Variants in PPM1E observed in about 807,000 individuals in gnomAD.
PPM1E encodes protein phosphatase 1E.
PPM1E carries 20 observed loss-of-function variants against 65.9 expected under a neutral mutation model. That is an observed-to-expected ratio of 0.30 (90% CI 0.21 to 0.44). PPM1E has a LOEUF of 0.44. Ranked by LOEUF, PPM1E falls within the 20% of genes least tolerant of loss-of-function variation. PPM1E has a pLI of 1.00. For synonymous variants in PPM1E, 352 were observed against 374.9 expected (o/e 0.94, Z 0.70); for missense variants, 713 against 953.1 (o/e 0.75, Z 3.32).
chr17:58,894,232 G>A (rs150635748), intron 1 of PPM1E, among the ~76,000 whole-genome samples: 9 of 152,086 alleles, frequency 5.9e-5, no homozygotes, highest in East Asian at 5.8e-4. Context: ...AGCAATTCTC[G>A]TGCCGCAGCC....
At chr17:58,861,150 G>A (rs1426070841) in intron 1 of PPM1E, among the ~76,000 whole-genome samples, 1 of 152,148 alleles carries the variant, frequency 6.6e-6, no homozygotes, top group East Asian at 1.9e-4. Flanking sequence ...TACCCACCAT[G>A]GTGGGTCAGA....
At chr17:58,758,944 C>A (rs916870803) in intron 1 of PPM1E, among the ~76,000 whole-genome samples, 1 of 152,018 alleles carries the variant, frequency 6.6e-6, no homozygotes, top group Admixed American at 6.6e-5. Flanking sequence ...GTGGTGCATG[C>A]CTGTAATCCC....
At chr17:58,891,015 G>T (rs545657440) in intron 1 of PPM1E, among the ~76,000 whole-genome samples, 3 of 151,706 alleles carry the variant, frequency 2.0e-5, no homozygotes, top group African/African-American at 7.3e-5. Flanking sequence ...TTGTTACCCA[G>T]GCTGCAGTGC....
At chr17:58,865,688 G>A (rs2050995035) in intron 1 of PPM1E, among the ~76,000 whole-genome samples, 1 of 152,174 alleles carries the variant, frequency 6.6e-6, no homozygotes. Flanking sequence ...GTGACAGAAG[G>A]AGACCCTGTC....
chr17:58,921,828 G>A (rs1567875616), intron 1 of PPM1E, among the ~76,000 whole-genome samples: 1 of 151,974 alleles, frequency 6.6e-6, no homozygotes. Flanking sequence ...ATTGTCTGAG[G>A]TCAGGAGTTG....
intron 2 of PPM1E, among the ~76,000 whole-genome samples, chr17:58,963,010 C>A (rs2030084802): frequency 1.3e-5 from 2 of 151,874 alleles, no homozygotes; most frequent in African/African-American, 4.8e-5. Context: ...GATTGCTTGA[C>A]CCCAGGAATT....
intron 1 of PPM1E, among the ~76,000 whole-genome samples, chr17:58,930,282 C>G (rs1008907780): frequency 6.6e-6 from 1 of 151,388 alleles, no homozygotes; most frequent in Non-Finnish European, 1.5e-5. Context: ...CACACACACA[C>G]ACAGACACAC....
chr17:58,944,876 A>G (rs985363457), intron 1 of PPM1E, among the ~76,000 whole-genome samples: 11 of 152,172 alleles, frequency 7.2e-5, no homozygotes, highest in Non-Finnish European at 1.3e-4. Context: ...GGCTGGCCAT[A>G]TGGTAACTTT....
Position 58,755,893 on chromosome 17 carries a change from G to A in PPM1E, c.-105G>A. 1 of 1,530,748 alleles carries A rather than the reference G, an allele frequency of 6.5e-7. No individual in the cohort carries two copies. The highest frequency in any genetic ancestry group is 8.8e-7 in the Non-Finnish European group (1 of 1,140,930). The allele number at this position is 1,530,748 out of a possible 1,614,324, so 94.8% of individuals were successfully genotyped here. ...TAGTGCTGATCGCTCGTGCCGGTGC[G>A]GCCGTTAACCGCCCTTGCCGGAGCC... On this transcript the variant is annotated 5_prime_UTR_variant, in exon 1 of 7. Coordinates refer to ENST00000308249, the MANE Select transcript of PPM1E (RefSeq NM_014906.5).
At chr17:58,782,254 C>T (rs2050057515) in intron 1 of PPM1E, among the ~76,000 whole-genome samples, 1 of 152,002 alleles carries the variant, frequency 6.6e-6, no homozygotes, top group Non-Finnish European at 1.5e-5. Context: ...GTAATCATGA[C>T]CTTATGAGCT....
chr17:58,839,427 T>C (rs1321907719), intron 1 of PPM1E, among the ~76,000 whole-genome samples: 1 of 152,104 alleles, frequency 6.6e-6, no homozygotes, highest in African/African-American at 2.4e-5. Context: ...ATTACAAATA[T>C]ATGAAACAAC....
intron 2 of PPM1E, among the ~76,000 whole-genome samples, chr17:58,958,988 G>A (rs57168987): frequency 0.074 from 11,204 of 151,972 alleles, 925 homozygotes; most frequent in African/African-American, 0.21. Context: ...AAGGAAATGA[G>A]AGACGAGTCT....
rs2031302892 is a variant in PPM1E at position 58,980,670 on chromosome 17, G to A, written c.1907G>A (p.Gly636Glu). 6.2e-7 allele frequency: 1 copy of A among 1,614,062 alleles called. No individual in the cohort carries two copies. Among genetic ancestry groups the A allele is most frequent in the African/African-American group, 1.3e-5 (1 of 74,930 alleles). Reference sequence around the variant, plus strand: ...ACTGCTTTCAATTTGGGTTCAACAGGGGAGCAGATATACAGAATGCAGAGC... The same window carrying A: ...ACTGCTTTCAATTTGGGTTCAACAGAGGAGCAGATATACAGAATGCAGAGC... ...FPTAFNLGSTGEQIYRMQSLS... is the reference protein window; with the variant it reads ...FPTAFNLGSTEEQIYRMQSLS... The change falls in exon 7 of 7, where the codon GGG becomes GAG. Residue 636 changes from glycine to glutamate, a missense_variant. Gly to Glu is a moderately conservative substitution (Grantham distance 98, BLOSUM62 -2). Coordinates refer to ENST00000308249, the MANE Select transcript of PPM1E (RefSeq NM_014906.5). This position sits in a 1 kb window ranked among gnomAD's most constrained non-coding sequence, Gnocchi z 4.7.
At chr17:58,843,690 G>T (rs992815992) in intron 1 of PPM1E, among the ~76,000 whole-genome samples, 5 of 151,982 alleles carry the variant, frequency 3.3e-5, no homozygotes, top group African/African-American at 1.2e-4. Context: ...AATTAGCTGG[G>T]CATGGTGGTG....
At chr17:58,819,107 G>C (rs1488574836) in intron 1 of PPM1E, among the ~76,000 whole-genome samples, 1 of 152,082 alleles carries the variant, frequency 6.6e-6, no homozygotes, top group East Asian at 1.9e-4. Flanking sequence ...TGTTATTATG[G>C]TGGTTGATCT....
chr17:58,905,187 T>C (rs1181086456), intron 1 of PPM1E, among the ~76,000 whole-genome samples: 1 of 152,228 alleles, frequency 6.6e-6, no homozygotes. Flanking sequence ...CTAATCAGTA[T>C]ACCTTTTAAT....
At chr17:58,940,855 T>C (rs2052056009) in intron 1 of PPM1E, among the ~76,000 whole-genome samples, 1 of 152,086 alleles carries the variant, frequency 6.6e-6, no homozygotes, top group Admixed American at 6.5e-5. Flanking sequence ...GGGTTACAGG[T>C]GTATGCCACC....
At chr17:58,957,228 G>A (rs2029889250) in intron 2 of PPM1E, among the ~76,000 whole-genome samples, 1 of 152,020 alleles carries the variant, frequency 6.6e-6, no homozygotes, top group African/African-American at 2.4e-5. Context: ...ACAGTTTTTT[G>A]CATCCCTTTA....
intron 4 of PPM1E, among the ~76,000 whole-genome samples, chr17:58,970,277 G>T (rs576285303): frequency 1.3e-5 from 2 of 152,134 alleles, no homozygotes; most frequent in African/African-American, 4.8e-5. Context: ...CCTACATTGC[G>T]AAGGTTAATC....
Sources: allele counts gnomAD v4.1 joint callset (sites outside exome capture counted in the v4.1 genomes callset), GRCh38; gene constraint gnomAD v4.1.1; non-coding constraint Gnocchi (gnomAD v3.1); transcripts MANE v1.5; gene names NCBI Gene and HGNC (gene_info 2026-07-23, HGNC 2026-07-21).